Variants in CTNNA3 observed in about 807,000 individuals in gnomAD.
CTNNA3 encodes catenin alpha-3.
In CTNNA3, 76 loss-of-function variants were observed where a neutral mutation model predicts 95.7. The ratio of observed to expected loss-of-function variants is 0.79; its 90% confidence interval spans 0.66 to 0.96. CTNNA3 has a LOEUF of 0.96. Among genes scored for constraint, CTNNA3 ranks in the 40% least tolerant of loss-of-function variants. The pLI is 0.00. For synonymous variants in CTNNA3, 431 were observed against 374.4 expected, an observed-to-expected ratio of 1.15 and a Z score of -1.74; for missense variants, 1,191 against 1,089.8, an observed-to-expected ratio of 1.09 and a Z score of -1.31.
At chr10:66,649,821 C>T (rs557265188) in intron 9 of CTNNA3, among the ~76,000 whole-genome samples, 13 of 152,182 alleles carry the variant, frequency 8.5e-5, no homozygotes, top group Non-Finnish European at 1.8e-4. Flanking sequence ...CAGATGTAGG[C>T]ATAAGCCTGA....
intron 5 of CTNNA3, among the ~76,000 whole-genome samples, chr10:67,254,322 G>C (rs1323046447): frequency 1.3e-5 from 2 of 152,106 alleles, no homozygotes; most frequent in African/African-American, 2.4e-5. Context: ...AGAAGTAAGA[G>C]AGAGGGATAA....
intron 12 of CTNNA3, among the ~76,000 whole-genome samples, chr10:66,370,880 T>G (rs1412351483): frequency 6.6e-6 from 1 of 152,022 alleles, no homozygotes; most frequent in East Asian, 1.9e-4. Context: ...TGGCTAACAT[T>G]TTTTAATTAC....
chr10:67,534,653 T>C (rs1042535611), intron 4 of CTNNA3, among the ~76,000 whole-genome samples: 4 of 152,136 alleles, frequency 2.6e-5, no homozygotes. Flanking sequence ...TCTGCTCTGG[T>C]AGGTTGGAGA....
chr10:66,880,250 G>A (rs894922477), intron 7 of CTNNA3, among the ~76,000 whole-genome samples: 10 of 152,012 alleles, frequency 6.6e-5, no homozygotes, highest in African/African-American at 2.4e-4. Context: ...TCTGGACTAT[G>A]AGCTATAAGA....
In CTNNA3 at chr10:65,913,664, A is replaced by T. The variant is rs180754488; in HGVS notation, c.*6666T>A. ...ATGATTTTTATAGTAGTTTAAAATT[A>T]ATTTTATGTTTAAATATTCAGGAAG... On this transcript the variant is annotated 3_prime_UTR_variant, in exon 18 of 18. Coordinates refer to ENST00000433211, the MANE Select transcript of CTNNA3 (RefSeq NM_013266.4). The T allele has an allele frequency of 6.6e-6, 1 of 152,168 alleles. No individual in the cohort carries two copies. Among genetic ancestry groups the T allele is most frequent in the African/African-American group, 2.4e-5 (1 of 41,454 alleles). 9.4% of individuals were successfully genotyped at this position (152,168 alleles called of 1,614,324 possible).
intron 7 of CTNNA3, among the ~76,000 whole-genome samples, chr10:67,019,708 C>G (rs1852876522): frequency 6.6e-6 from 1 of 152,160 alleles, no homozygotes; most frequent in Admixed American, 6.5e-5. Flanking sequence ...GTCATCCCTT[C>G]CATATAAATA....
intron 17 of CTNNA3, among the ~76,000 whole-genome samples, chr10:65,951,146 C>A (rs550699326): frequency 6.6e-6 from 1 of 152,262 alleles, no homozygotes; most frequent in East Asian, 1.9e-4. Flanking sequence ...ATTGCTTAAG[C>A]AAAATTGGAG....
At chr10:66,780,411 T>G (rs1454198016) in intron 7 of CTNNA3, among the ~76,000 whole-genome samples, 3 of 130,446 alleles carry the variant, frequency 2.3e-5, no homozygotes, top group African/African-American at 8.4e-5. Flanking sequence ...TATAATAGAG[T>G]AACCTGGGTA....
At chr10:67,709,787 G>A (rs76093958) in intron 1 of CTNNA3, among the ~76,000 whole-genome samples, 1,830 of 152,040 alleles carry the variant, frequency 0.012, 41 homozygotes, top group African/African-American at 0.041. Flanking sequence ...CCCCACTCTG[G>A]TCACTGGCTA....
chr10:67,037,785 T>A (rs1380273776), intron 7 of CTNNA3, among the ~76,000 whole-genome samples: 1 of 152,144 alleles, frequency 6.6e-6, no homozygotes, highest in Admixed American at 6.6e-5. Flanking sequence ...AACAAATACA[T>A]GGATGGTAGT....
chr10:66,670,417 TG>T (rs1846618169), intron 9 of CTNNA3, among the ~76,000 whole-genome samples: 1 of 152,178 alleles, frequency 6.6e-6, no homozygotes, highest in South Asian at 2.1e-4. Flanking sequence ...TCAATTTCCT[TG>T]GGGCTCTTCT....
At chr10:67,291,031 GA>G (rs1449334369) in intron 5 of CTNNA3, among the ~76,000 whole-genome samples, 1 of 152,044 alleles carries the variant, frequency 6.6e-6, no homozygotes, top group Non-Finnish European at 1.5e-5. Context: ...ACATAAGGTT[GA>G]AAGGATGGAC....
At chr10:67,475,467 T>C (rs920420277) in intron 5 of CTNNA3, among the ~76,000 whole-genome samples, 5 of 152,208 alleles carry the variant, frequency 3.3e-5, no homozygotes, top group African/African-American at 1.2e-4. Context: ...GGCTTCCTCC[T>C]TCAAAAAACA....
Position 66,770,631 on chromosome 10 carries a change from A to G in CTNNA3, c.1129-4215T>C, listed in dbSNP as rs529269888. 3.3e-5 allele frequency among the ~76,000 whole-genome samples: 5 copies of G among 152,236 alleles called. No homozygotes were observed. In the South Asian group the frequency reaches 8.3e-4, roughly 25 times the overall value. On this transcript the variant is annotated intron_variant, in intron 8 of 17. Transcript: ENST00000433211. ...GTGGTTTGGGATCTCAAAATAATATATATCACTACAATTGAAGCCCAAAGT... is the reference window on the plus strand; with the variant it reads ...GTGGTTTGGGATCTCAAAATAATATGTATCACTACAATTGAAGCCCAAAGT...
intron 7 of CTNNA3, among the ~76,000 whole-genome samples, chr10:66,860,065 T>C (rs1198412523): frequency 7.0e-6 from 1 of 142,398 alleles, no homozygotes; most frequent in Non-Finnish European, 1.5e-5. Context: ...TACCTAATGC[T>C]AAATGATGAG....
At chr10:66,685,865 A>G (rs1589123496) in intron 9 of CTNNA3, among the ~76,000 whole-genome samples, 1 of 152,098 alleles carries the variant, frequency 6.6e-6, no homozygotes, top group East Asian at 1.9e-4. Flanking sequence ...ATGTTAAATT[A>G]TTCAACTTCA....
intron 13 of CTNNA3, among the ~76,000 whole-genome samples, chr10:66,168,911 T>C (rs2085277673): frequency 6.6e-6 from 1 of 152,192 alleles, no homozygotes; most frequent in African/African-American, 2.4e-5. Flanking sequence ...AAAGATATGA[T>C]TTCTTCCCTC....
At chr10:67,389,798 C>T (rs539463705) in intron 5 of CTNNA3, among the ~76,000 whole-genome samples, 41 of 152,088 alleles carry the variant, frequency 2.7e-4, no homozygotes, top group African/African-American at 7.7e-4. Context: ...ACAACCTGCT[C>T]CTGAATGACT....
At position 67,353,034 on chromosome 10, in the gene CTNNA3, G is replaced by A. The variant is rs563365066; in HGVS notation, c.580-133164C>T. Among the ~76,000 whole-genome samples the A allele has an allele frequency of 7.4e-4, 112 of 152,064 alleles. 2 individuals are homozygous for A. The highest frequency in any genetic ancestry group is 2.2e-3 in the African/African-American group (92 of 41,542). On this transcript the variant is annotated intron_variant, in intron 5 of 17. Coordinates refer to ENST00000433211, the MANE Select transcript of CTNNA3 (RefSeq NM_013266.4). ...TCACATCTTTGAGGGCCAGCACTACGTTTCCAAAATGGGAAAGGTTTTATA... is the reference window on the plus strand; with the variant it reads ...TCACATCTTTGAGGGCCAGCACTACATTTCCAAAATGGGAAAGGTTTTATA...
Sources: gnomAD v4.1 joint callset for allele counts (sites outside exome capture counted in the v4.1 genomes callset) on GRCh38, gnomAD v4.1.1 for gene constraint, MANE v1.5 for transcripts, NCBI Gene and HGNC (gene_info 2026-07-23, HGNC 2026-07-21) for gene names.